ATP5IF1: variants seen among roughly 807,000 people sequenced by gnomAD.
ATP5IF1 encodes ATP synthase inhibitory factor subunit 1, also known as ATPase inhibitor, mitochondrial.
ATP5IF1 carries 12 observed loss-of-function variants against 8.5 expected under a neutral mutation model. That is an observed-to-expected ratio of 1.41 (90% confidence interval 0.90 to 2.28). The LOEUF (loss-of-function observed/expected upper bound fraction) is 2.28. Ranked by LOEUF, ATP5IF1 falls within the 30% of genes most tolerant of loss-of-function variation. ATP5IF1 has a pLI of 0.00. For missense variants in ATP5IF1, 154 were observed against 140.2 expected (o/e 1.10, Z -0.50); for synonymous variants, 51 against 53.4 (o/e 0.96, Z 0.19).
At chr1:28,236,905 C>T in intron 2 of ATP5IF1, 1 of 1,110,746 alleles carries the variant, frequency 9.0e-7, no homozygotes, top group South Asian at 2.2e-5. Flanking sequence ...GCTTTGCAAG[C>T]CTGCATGCAT....
Position 28,237,277 on chromosome 1 carries a change from C to T in ATP5IF1, c.180-560C>T, listed in dbSNP as rs927104580. 3.1e-5 allele frequency: 31 copies of T among 998,502 alleles called. 1 individual carries two copies. The highest frequency in any genetic ancestry group is 3.3e-5 in the Non-Finnish European group (28 of 838,450). 61.9% of individuals were successfully genotyped at this position (998,502 alleles called of 1,614,324 possible). On this transcript the variant is annotated intron_variant, in intron 2 of 2. Transcript: ENST00000335514. ...AGCCGTTAGAGACTATCTAATTGAG[C>T]CCCTACATTTTGTAGTTAAGGAAAA...
chr1:28,236,327 C>A, intron 1 of ATP5IF1, 34 bp from the exon 2 acceptor site: 1 of 1,614,228 alleles, frequency 6.2e-7, no homozygotes, highest in Non-Finnish European at 8.5e-7. Context: ...ATCTTTGCTT[C>A]CGTACCTTTA....
chr1:28,237,463 A>C, intron 2 of ATP5IF1: 5 of 1,266,764 alleles, frequency 3.9e-6, no homozygotes, highest in Non-Finnish European at 5.0e-6. Context: ...TGGAATAGGA[A>C]ATGGATATTT....
intron 2 of ATP5IF1, chr1:28,237,174 C>T (rs1647044597): frequency 1.0e-6 from 1 of 992,046 alleles, no homozygotes; most frequent in East Asian, 1.1e-4. Flanking sequence ...TTTTGCTTGT[C>T]CTTTGGCCTT....
intron 2 of ATP5IF1, chr1:28,237,078 A>G: frequency 4.0e-6 from 4 of 994,892 alleles, no homozygotes; most frequent in African/African-American, 1.7e-5. Flanking sequence ...AGGAGTATGG[A>G]GTGGGCTGGG....
Position 28,238,093 on chromosome 1 carries a change from T to A in ATP5IF1, c.*115T>A. ...ACTAACAGATTATAATAAATTGTCA[T>A]CAGTGAACTGTGTTTGATGCCTTCT... On this transcript the variant is annotated 3_prime_UTR_variant, in exon 3 of 3. Coordinates refer to ENST00000335514, the MANE Select transcript of ATP5IF1 (RefSeq NM_016311.5). 9.0e-7 allele frequency: 1 copy of A among 1,106,514 alleles called. No homozygotes were observed. Among genetic ancestry groups the A allele is most frequent in the Non-Finnish European group, 1.3e-6 (1 of 786,962 alleles). The allele number at this position is 1,106,514 out of a possible 1,614,324, so 68.5% of individuals were successfully genotyped here. A position where few individuals can be genotyped will look rare whatever the true frequency, so the allele number is the denominator to read the frequency against.
chr1:28,236,129 G>A lies in ATP5IF1; in HGVS notation c.-55G>A, dbSNP rs1647031026. The A allele has an allele frequency of 1.3e-6, 2 of 1,597,980 alleles. No individual in the cohort carries two copies. The highest frequency in any genetic ancestry group is 2.2e-5 in the South Asian group (2 of 90,646). On this transcript the variant is annotated 5_prime_UTR_variant, in exon 1 of 3. Coordinates refer to ENST00000335514, the MANE Select transcript of ATP5IF1 (RefSeq NM_016311.5). ...GCTTGGCCGTCCCTGCCATTAGCGC[G>A]TAACGAGAGACTGCTTGCTGCGGCA...
At chr1:28,236,324 C>G (rs199983267) in intron 1 of ATP5IF1, 37 bp from the exon 2 acceptor site, 2 of 1,614,230 alleles carry the variant, frequency 1.2e-6, no homozygotes, top group Non-Finnish European at 1.7e-6. Context: ...CCCATCTTTG[C>G]TTCCGTACCT....
At position 28,237,849 on chromosome 1, in the gene ATP5IF1, A is replaced by C; in HGVS notation, c.192A>C (p.Arg64Ser). The C allele has an allele frequency of 6.2e-7, 1 of 1,614,214 alleles. No homozygotes were observed. Among genetic ancestry groups the C allele is most frequent in the South Asian group, 1.1e-5 (1 of 91,086 alleles). ...EEERYFRAQS[R>S]EQLAALKKHH... The stretch of plus-strand genomic sequence containing the variant: ...CGTGTCCTTGTAGAGCACAGAGTAG[A>C]GAACAACTGGCAGCTTTGAAAAAAC... The change falls in exon 3 of 3, where the codon AGA (arginine) becomes AGC (serine). Residue 64 changes from arginine to serine, a missense_variant. Transcript: ENST00000335514.
intron 2 of ATP5IF1, chr1:28,236,785 C>T (rs1647040941): frequency 8.0e-7 from 1 of 1,251,096 alleles, no homozygotes; most frequent in South Asian, 1.5e-5. Flanking sequence ...CCAGATTCTT[C>T]GCACAGTGTC....
At chr1:28,237,208 T>C (rs1572078267) in intron 2 of ATP5IF1, 2 of 991,492 alleles carry the variant, frequency 2.0e-6, no homozygotes, top group East Asian at 2.2e-4. Flanking sequence ...CTGTTGAGAA[T>C]TATCACCATG....
intron 2 of ATP5IF1, 143 bp from the exon 3 acceptor site, chr1:28,237,694 A>C: frequency 6.3e-7 from 1 of 1,599,206 alleles, no homozygotes; most frequent in Non-Finnish European, 8.5e-7. Flanking sequence ...TTCTTTCACT[A>C]GTTGAGGAGT....
At chr1:28,236,610 G>T (rs1485057869) in intron 2 of ATP5IF1, 158 bp downstream of exon 2, 1 of 1,530,550 alleles carries the variant, frequency 6.5e-7, no homozygotes, top group Non-Finnish European at 8.7e-7. Flanking sequence ...AACCCTTGAT[G>T]TCCCGACCGT....
chr1:28,236,475 TCCAG>T (rs1260897038), intron 2 of ATP5IF1, 23 bp downstream of exon 2: 1 of 1,613,916 alleles, frequency 6.2e-7, no homozygotes, highest in Non-Finnish European at 8.5e-7. Flanking sequence ...GGGTCCCAAG[TCCAG>T]CCCTGGATCT....
At chr1:28,237,429 AG>A (rs1647048232) in intron 2 of ATP5IF1, 2 of 1,132,200 alleles carry the variant, frequency 1.8e-6, no homozygotes, top group East Asian at 1.1e-4. Flanking sequence ...TCATTTCTAT[AG>A]GCAAAGAAAG....
At position 28,237,966 on chromosome 1, in the gene ATP5IF1, AC is replaced by A; in HGVS notation, c.310del (p.His104MetfsTer21). ...RHKQKIKMLK[H>X]DD The stretch of plus-strand genomic sequence containing the variant: ...ATAAGCAGAAGATCAAAATGCTAAA[AC>A]ATGATGATTAAGTGCACACCGTGTG... On this transcript the variant is annotated frameshift_variant, in exon 3 of 3. Coordinates refer to ENST00000335514, the MANE Select transcript of ATP5IF1 (RefSeq NM_016311.5). LOFTEE classifies it high-confidence loss of function. The A allele has an allele frequency of 6.2e-7, 1 of 1,611,256 alleles. No individual in the cohort carries two copies. Among genetic ancestry groups the A allele is most frequent in the African/African-American group, 1.3e-5 (1 of 75,034 alleles).
Position 28,237,947 on chromosome 1 carries a change from AG to A in ATP5IF1, c.291del (p.Lys98ArgfsTer5). On this transcript the variant is annotated frameshift_variant, in exon 3 of 3. Transcript: ENST00000335514. LOFTEE classifies it high-confidence loss of function. The stretch of plus-strand genomic sequence containing the variant: ...CAGAAAGAAATTGAGCGCCATAAGC[AG>A]AAGATCAAAATGCTAAAACATGATG... ...RLQKEIERHK[Q>X]KIKMLKHDD 1.9e-6 allele frequency: 3 copies of A among 1,613,010 alleles called. No individual in the cohort carries two copies. Among genetic ancestry groups the A allele is most frequent in the Non-Finnish European group, 2.5e-6 (3 of 1,179,944 alleles).
In ATP5IF1 at chr1:28,238,009, G is replaced by A. The variant is rs752359232; in HGVS notation, c.*31G>A. 2 of 1,590,188 alleles carry A rather than the reference G, an allele frequency of 1.3e-6. No individual in the cohort carries two copies. Among genetic ancestry groups the A allele is most frequent in the African/African-American group, 1.3e-5 (1 of 74,504 alleles). The stretch of plus-strand genomic sequence containing the variant: ...CACCGTGTGCCATAGAATGGCACAT[G>A]TCATTGCCCACTTCTGTGTAGACAT... On this transcript the variant is annotated 3_prime_UTR_variant, in exon 3 of 3. Coordinates refer to ENST00000335514, the MANE Select transcript of ATP5IF1 (RefSeq NM_016311.5).
rs1466548518 is a variant in ATP5IF1 at position 28,236,195 on chromosome 1, G to A, written c.12G>A (p.Thr4=). 3 of 1,613,344 alleles carry A rather than the reference G, an allele frequency of 1.9e-6. No homozygotes were observed. Among genetic ancestry groups the A allele is most frequent in the East Asian group, 2.2e-5 (1 of 44,892 alleles). The change falls in exon 1 of 3, where the codon ACG becomes ACA. Residue 4 remains threonine (T), a synonymous_variant. Coordinates refer to ENST00000335514, the MANE Select transcript of ATP5IF1 (RefSeq NM_016311.5). Reference sequence around the variant, plus strand: ...CAGCTCCAGCAGCAATGGCAGTGACGGCGTTGGCGGCGCGGACGTGGCTTG... The same window carrying A: ...CAGCTCCAGCAGCAATGGCAGTGACAGCGTTGGCGGCGCGGACGTGGCTTG... MAV[T]ALAARTWLGV...
Sources: gnomAD v4.1 joint callset for allele counts on GRCh38, gnomAD v4.1.1 for gene constraint, MANE v1.5 for transcripts, NCBI Gene and HGNC (gene_info 2026-07-23, HGNC 2026-07-21) for gene names.